Variants in KIAA0319L observed in about 807,000 individuals in gnomAD.
KIAA0319L encodes KIAA0319 like, also known as dyslexia-associated protein KIAA0319-like protein.
KIAA0319L carries 55 observed loss-of-function variants against 120.1 expected under a neutral mutation model. The observed-to-expected ratio is 0.46, with a 90% CI of 0.37 to 0.57. KIAA0319L has a LOEUF of 0.57. KIAA0319L is among the 20% of genes least tolerant of loss of function. The pLI, the probability that KIAA0319L is intolerant of heterozygous loss-of-function variation, is 0.00. For missense variants in KIAA0319L, 1,049 were observed against 1,255.3 expected (o/e 0.84, Z 2.48); for synonymous variants, 398 against 471.9 (o/e 0.84, Z 2.03).
chr1:35,518,769 C>T (rs928278239), intron 2 of KIAA0319L, among the ~76,000 whole-genome samples: 10 of 151,938 alleles, frequency 6.6e-5, no homozygotes, highest in East Asian at 3.9e-4. Flanking sequence ...TTTGGGAGGC[C>T]GAGGCAGGTG....
intron 5 of KIAA0319L, among the ~76,000 whole-genome samples, chr1:35,471,272 C>T (rs911320769): frequency 6.6e-6 from 1 of 152,230 alleles, no homozygotes; most frequent in African/African-American, 2.4e-5. Context: ...ACTGAAAATA[C>T]ATGTCCGACC....
At chr1:35,485,293 C>T (rs1644345444) in intron 3 of KIAA0319L, among the ~76,000 whole-genome samples, 2 of 152,108 alleles carry the variant, frequency 1.3e-5, no homozygotes, top group South Asian at 2.1e-4. Context: ...ATGCTCTGCT[C>T]GGTTTTTTTT....
chr1:35,441,808 C>A (rs1361880729), intron 19 of KIAA0319L, among the ~76,000 whole-genome samples: 2 of 152,146 alleles, frequency 1.3e-5, no homozygotes, highest in Non-Finnish European at 2.9e-5. Context: ...CTGAGCCTGG[C>A]TAGCCTAAAG....
chr1:35,544,310 A>C (rs1244513143), intron 2 of KIAA0319L, among the ~76,000 whole-genome samples: 1 of 150,440 alleles, frequency 6.6e-6, no homozygotes, highest in African/African-American at 2.5e-5. Flanking sequence ...TGGAAGTTAC[A>C]GTGAGCCAAG....
In KIAA0319L at chr1:35,470,952, A is replaced by G. The variant is rs1476536404; in HGVS notation, c.1024T>C (p.Tyr342His). 6.2e-7 allele frequency: 1 copy of G among 1,605,032 alleles called. No individual in the cohort carries two copies. The highest frequency in any genetic ancestry group is 8.5e-7 in the Non-Finnish European group (1 of 1,171,732). Residue 342 changes from tyrosine (Y) to histidine (H), a missense_variant, in exon 6 of 21, where the codon TAC becomes CAC. By Grantham distance (83) the Tyr-to-His change is moderately conservative. Coordinates refer to ENST00000325722, the MANE Select transcript of KIAA0319L (RefSeq NM_024874.5). ...GTAATCAGCTGCCAGTCGTAGGTGT[A>G]GGTTTCTCCTATAGAAGGGCAGTTA... is the stretch of plus-strand genomic sequence containing the variant. ...VLQEPPKGET[Y>H]TYDWQLITHP...
At chr1:35,475,421 T>C (rs1298559888) in intron 4 of KIAA0319L, among the ~76,000 whole-genome samples, 2 of 152,194 alleles carry the variant, frequency 1.3e-5, no homozygotes, top group Non-Finnish European at 2.9e-5. Context: ...TCTGCCTTAC[T>C]TTCTTTCCAT....
intron 10 of KIAA0319L, among the ~76,000 whole-genome samples, chr1:35,455,090 C>T (rs911614261): frequency 3.9e-5 from 6 of 152,342 alleles, no homozygotes; most frequent in African/African-American, 1.4e-4. Flanking sequence ...TTTGGGCAAA[C>T]TTCCAATGCA....
At chr1:35,496,799 T>C (rs555005737) in intron 3 of KIAA0319L, among the ~76,000 whole-genome samples, 3 of 151,846 alleles carry the variant, frequency 2.0e-5, no homozygotes, top group Non-Finnish European at 4.4e-5. Context: ...ATACAAAAAT[T>C]AGCTGGGCGT....
At chr1:35,461,152 G>GCATC (rs1030497646) in intron 8 of KIAA0319L, among the ~76,000 whole-genome samples, 6 of 152,104 alleles carry the variant, frequency 3.9e-5, no homozygotes, top group African/African-American at 1.4e-4. Flanking sequence ...AAAAGAATAA[G>GCATC]CATCTTATGT....
chr1:35,441,878 A>G (rs572106399), intron 19 of KIAA0319L, among the ~76,000 whole-genome samples: 2 of 151,924 alleles, frequency 1.3e-5, no homozygotes, highest in South Asian at 4.2e-4. Flanking sequence ...AGAATTAAAA[A>G]CTCGCGGGCT....
At chr1:35,460,550 G>T in intron 8 of KIAA0319L, 113 bp from the exon 9 acceptor site, 1 of 869,226 alleles carries the variant, frequency 1.2e-6, no homozygotes. Flanking sequence ...AAAACTTCAT[G>T]AAATTACAGA....
At chr1:35,454,735 A>T in intron 10 of KIAA0319L, 1 of 793,148 alleles carries the variant, frequency 1.3e-6, no homozygotes, top group Non-Finnish European at 1.8e-6. Context: ...CAGAACTCTC[A>T]TAAGAGAGGG....
chr1:35,485,506 G>T (rs1230201687), intron 3 of KIAA0319L, among the ~76,000 whole-genome samples: 8 of 152,222 alleles, frequency 5.3e-5, no homozygotes, highest in African/African-American at 1.9e-4. Flanking sequence ...ACTTTTTATT[G>T]GGTTCCCTTG....
chr1:35,490,317 C>T (rs1054342508), intron 3 of KIAA0319L, among the ~76,000 whole-genome samples: 4 of 152,156 alleles, frequency 2.6e-5, no homozygotes, highest in African/African-American at 7.2e-5. Flanking sequence ...AATGCAGCTC[C>T]GGACTCACAT....
chr1:35,503,899 T>C (rs1316085765), intron 3 of KIAA0319L, among the ~76,000 whole-genome samples: 1 of 151,726 alleles, frequency 6.6e-6, no homozygotes, highest in Non-Finnish European at 1.5e-5. Flanking sequence ...TTTTTTTTTT[T>C]TTTTGAGACA....
chr1:35,523,166 G>A (rs1340158346), intron 2 of KIAA0319L, among the ~76,000 whole-genome samples: 2 of 151,118 alleles, frequency 1.3e-5, no homozygotes, highest in Non-Finnish European at 2.9e-5. Context: ...TCCCTTTACT[G>A]TGCCTTTGAC....
chr1:35,455,573 A>ATTTTTTTT (rs551358599), intron 10 of KIAA0319L, among the ~76,000 whole-genome samples: 8 of 93,468 alleles, frequency 8.6e-5, no homozygotes, highest in Non-Finnish European at 1.4e-4. Context: ...ATTTAAGATA[A>ATTTTTTTT]TTTTTTTTTT....
intron 15 of KIAA0319L, among the ~76,000 whole-genome samples, 190 bp from the exon 16 acceptor site, chr1:35,448,522 T>C (rs1215575104): frequency 6.6e-6 from 1 of 152,178 alleles, no homozygotes; most frequent in African/African-American, 2.4e-5. Context: ...AAAGCACTCC[T>C]GCTCTCTATA....
At position 35,448,214 on chromosome 1, in the gene KIAA0319L, G is replaced by A. The variant is rs775505999; in HGVS notation, c.2472C>T (p.Ser824=). 61 of 1,613,774 alleles carry A rather than the reference G, an allele frequency of 3.8e-5. No homozygotes were observed. The highest frequency in any genetic ancestry group is 4.8e-5 in the Non-Finnish European group (57 of 1,179,934). ...QIGVLLGVLD[S]DIIVQKIQPY... ...GCTGAATCTTTTGCACAATGATGTCGGAATCCAGCACCCCCAGGAGGACCC... is the reference window on the plus strand; with the variant it reads ...GCTGAATCTTTTGCACAATGATGTCAGAATCCAGCACCCCCAGGAGGACCC... The change falls in exon 16 of 21, where the codon TCC becomes TCT. Residue 824 remains serine (S), a synonymous_variant. Transcript: ENST00000325722.
Sources: gnomAD v4.1 joint callset for allele counts (sites outside exome capture counted in the v4.1 genomes callset) on GRCh38, gnomAD v4.1.1 for gene constraint, MANE v1.5 for transcripts, NCBI Gene and HGNC (gene_info 2026-07-23, HGNC 2026-07-21) for gene names.